Variants in SPATA16 observed in about 807,000 individuals in gnomAD.
SPATA16 encodes the protein spermatogenesis associated 16.
Under a neutral mutation model 63.3 loss-of-function variants are expected in SPATA16, and 36 were observed. That is an observed-to-expected ratio of 0.57 (90% CI 0.44 to 0.75). The LOEUF is 0.75. SPATA16 is among the 30% of genes least tolerant of loss of function. The pLI, the probability that SPATA16 is intolerant of heterozygous loss-of-function variation, is 0.00. For synonymous variants in SPATA16, 203 were observed against 216.7 expected, an observed-to-expected ratio of 0.94 and a Z score of 0.56; for missense variants, 646 against 679.3, an observed-to-expected ratio of 0.95 and a Z score of 0.54.
chr3:172,968,720 C>T (rs1370331249), intron 5 of SPATA16, among the ~76,000 whole-genome samples: 1 of 152,290 alleles, frequency 6.6e-6, no homozygotes, highest in Admixed American at 6.5e-5. Context: ...CTATCTCCTT[C>T]ATGGGAACAC....
chr3:173,044,463 T>C (rs116275349), intron 3 of SPATA16, among the ~76,000 whole-genome samples: 135 of 152,266 alleles, frequency 8.9e-4, no homozygotes, highest in African/African-American at 3.1e-3. Flanking sequence ...ATAGCTTCTG[T>C]TTCTTTGTTG....
chr3:173,059,832 C>CT (rs201000096), intron 2 of SPATA16, among the ~76,000 whole-genome samples: 1,171 of 71,248 alleles, frequency 0.016, 154 homozygotes, highest in African/African-American at 0.036. Context: ...CATTTGGTAG[C>CT]TTTTTTTTTT....
intron 3 of SPATA16, among the ~76,000 whole-genome samples, chr3:173,021,746 A>G (rs1735337349): frequency 6.7e-6 from 1 of 149,452 alleles, no homozygotes; most frequent in African/African-American, 2.5e-5. Flanking sequence ...TTATTTATTT[A>G]TTTATTTATT....
At chr3:173,065,640 C>A (rs1042577453) in intron 2 of SPATA16, among the ~76,000 whole-genome samples, 1 of 152,166 alleles carries the variant, frequency 6.6e-6, no homozygotes, top group South Asian at 2.1e-4. Context: ...TTGCCTACAC[C>A]ACTCCTCCTC....
intron 1 of SPATA16, among the ~76,000 whole-genome samples, chr3:173,136,738 G>C (rs1738555939): frequency 2.0e-5 from 3 of 152,140 alleles, no homozygotes; most frequent in Non-Finnish European, 2.9e-5. Flanking sequence ...TTGGAAAATA[G>C]GGTGACCTAA....
intron 3 of SPATA16, among the ~76,000 whole-genome samples, chr3:173,031,527 C>T (rs1471732894): frequency 3.9e-5 from 6 of 152,030 alleles, no homozygotes; most frequent in Middle Eastern, 3.2e-3. Context: ...TTCTCAGTAA[C>T]AGATTTACAG....
At chr3:172,996,666 T>A (rs1384468844) in intron 4 of SPATA16, among the ~76,000 whole-genome samples, 1 of 152,130 alleles carries the variant, frequency 6.6e-6, no homozygotes, top group Non-Finnish European at 1.5e-5. Flanking sequence ...ACCTAAAGTC[T>A]ACAATTTACA....
chr3:172,938,176 T>A (rs1407610680), intron 6 of SPATA16, among the ~76,000 whole-genome samples: 4 of 152,206 alleles, frequency 2.6e-5, no homozygotes, highest in African/African-American at 9.7e-5. Context: ...TGAAATTTGC[T>A]TTCTCAGCTT....
chr3:173,061,523 C>T (rs1736377808), intron 2 of SPATA16, among the ~76,000 whole-genome samples: 1 of 152,186 alleles, frequency 6.6e-6, no homozygotes, highest in South Asian at 2.1e-4. Context: ...CAACAATTAG[C>T]CACCATCCTA....
chr3:173,001,782 C>G (rs982649096), intron 4 of SPATA16, among the ~76,000 whole-genome samples: 2 of 152,118 alleles, frequency 1.3e-5, no homozygotes, highest in African/African-American at 4.8e-5. Context: ...TCTGACTAAT[C>G]TAAAAAAATT....
At chr3:173,077,225 AT>A (rs958600449) in intron 2 of SPATA16, among the ~76,000 whole-genome samples, 27 of 152,014 alleles carry the variant, frequency 1.8e-4, no homozygotes, top group Non-Finnish European at 2.5e-4. Context: ...TTTTTTCTGA[AT>A]TTTTTTTCAC....
At chr3:173,013,539 G>C (rs972760138) in intron 4 of SPATA16, among the ~76,000 whole-genome samples, 2 of 152,232 alleles carry the variant, frequency 1.3e-5, no homozygotes, top group Non-Finnish European at 2.9e-5. Flanking sequence ...GGGCTAGCTT[G>C]AAGCAAGCTT....
At chr3:172,975,923 G>A (rs1734149363) in intron 5 of SPATA16, among the ~76,000 whole-genome samples, 1 of 151,736 alleles carries the variant, frequency 6.6e-6, no homozygotes, top group South Asian at 2.1e-4. Flanking sequence ...AAAATGTGGG[G>A]GGAAAAAAAA....
At chr3:173,028,288 G>C (rs1034448674) in intron 3 of SPATA16, among the ~76,000 whole-genome samples, 5 of 151,532 alleles carry the variant, frequency 3.3e-5, no homozygotes, top group African/African-American at 1.2e-4. Flanking sequence ...TAATTTCAGC[G>C]AATCATGATA....
intron 6 of SPATA16, among the ~76,000 whole-genome samples, chr3:172,936,465 GCTT>G (rs1490462282): frequency 3.3e-5 from 5 of 152,108 alleles, no homozygotes; most frequent in African/African-American, 1.2e-4. Context: ...CTCTATACAT[GCTT>G]CTCTTTCATT....
chr3:173,033,037 T>C (rs1735640286), intron 3 of SPATA16, among the ~76,000 whole-genome samples: 1 of 152,178 alleles, frequency 6.6e-6, no homozygotes, highest in Non-Finnish European at 1.5e-5. Flanking sequence ...TGTATCCCAG[T>C]TGAACATCAA....
chr3:173,015,678 C>A (rs1205562615), intron 4 of SPATA16, among the ~76,000 whole-genome samples: 1 of 152,202 alleles, frequency 6.6e-6, no homozygotes, highest in Non-Finnish European at 1.5e-5. Flanking sequence ...ATTTAATTCA[C>A]AACCCCCTAA....
chr3:173,019,688 A>C (rs1477332909), intron 3 of SPATA16, 113 bp from the exon 4 acceptor site: 2 of 976,398 alleles, frequency 2.0e-6, no homozygotes, highest in Admixed American at 3.8e-5. Context: ...GTGTTTTTAA[A>C]GATACTAGTG....
chr3:173,010,497 C>A lies in SPATA16; in HGVS notation c.848+8989G>T, dbSNP rs7626573. The stretch of plus-strand genomic sequence containing the variant: ...TTGTTTTTGTTTTTGTGGTGGGGCT[C>A]CCAGAGGTAAGTGACAGGCCCTCTG... On this transcript the variant is annotated intron_variant, in intron 4 of 10. Coordinates refer to ENST00000351008, the MANE Select transcript of SPATA16 (RefSeq NM_031955.6). Among the ~76,000 whole-genome samples the A allele has an allele frequency of 5.0e-3, 751 of 150,780 alleles. 5 individuals are homozygous for A. The highest frequency in any genetic ancestry group is 0.018 in the African/African-American group (729 of 40,804).
Sources: gnomAD v4.1 joint callset for allele counts (sites outside exome capture counted in the v4.1 genomes callset) on GRCh38, gnomAD v4.1.1 for gene constraint, MANE v1.5 for transcripts, NCBI Gene and HGNC (gene_info 2026-07-23, HGNC 2026-07-21) for gene names.